Variants in JAKMIP3 observed in about 807,000 individuals in gnomAD.
JAKMIP3 encodes Janus kinase and microtubule interacting protein 3, also known as janus kinase and microtubule-interacting protein 3.
JAKMIP3 carries 58 observed loss-of-function variants against 118.5 expected under a neutral mutation model. That is an observed-to-expected ratio of 0.49 (90% CI 0.40 to 0.61). The LOEUF (loss-of-function observed/expected upper bound fraction) is 0.61, where lower values mean the gene tolerates loss of function less well. JAKMIP3 is among the 20% of genes least tolerant of loss of function. JAKMIP3 has a pLI of 0.00. For missense variants in JAKMIP3, 950 were observed against 1,109.0 expected (o/e 0.86, Z 2.04); for synonymous variants, 486 against 451.2 (o/e 1.08, Z -0.98).
chr10:132,059,653 G>A (rs767664058), intron 1 of JAKMIP3, among the ~76,000 whole-genome samples: 18 of 152,206 alleles, frequency 1.2e-4, no homozygotes, highest in Admixed American at 6.5e-5. Flanking sequence ...GGCCTTGGAG[G>A]ATCGCAGCAG....
chr10:132,059,688 A>G (rs1195331366), upstream of JAKMIP3, among the ~76,000 whole-genome samples: 1 of 152,182 alleles, frequency 6.6e-6, no homozygotes, highest in African/African-American at 2.4e-5. Flanking sequence ...GGTTGTGGCG[A>G]GGGCCCCACC....
intron 1 of JAKMIP3, among the ~76,000 whole-genome samples, chr10:132,074,471 G>A (rs1321096214): frequency 6.6e-6 from 1 of 152,008 alleles, no homozygotes; most frequent in African/African-American, 2.4e-5. Context: ...TATATTTATT[G>A]GCAGTTTGTC....
chr10:132,087,284 T>G (rs1166985064), intron 1 of JAKMIP3, among the ~76,000 whole-genome samples: 1 of 152,216 alleles, frequency 6.6e-6, no homozygotes, highest in Non-Finnish European at 1.5e-5. Context: ...GCCTCATAGC[T>G]CTTAAGATTC....
At chr10:132,148,978 A>G (rs1589952296) in intron 14 of JAKMIP3, among the ~76,000 whole-genome samples, 1 of 152,078 alleles carries the variant, frequency 6.6e-6, no homozygotes, top group Admixed American at 6.5e-5. Flanking sequence ...TGTGTGGACG[A>G]CCTCGGCCAC....
At chr10:132,069,578 C>T (rs2039489512) in intron 1 of JAKMIP3, among the ~76,000 whole-genome samples, 1 of 151,926 alleles carries the variant, frequency 6.6e-6, no homozygotes, top group African/African-American at 2.4e-5. Context: ...GTCTGGCATC[C>T]CCCCCTGCGT....
At chr10:132,064,444 C>T (rs887757718), upstream of JAKMIP3, among the ~76,000 whole-genome samples, 4 of 152,140 alleles carry the variant, frequency 2.6e-5, no homozygotes, top group East Asian at 1.9e-4. The surrounding 1 kb of genome is among the most constrained non-coding windows in gnomAD (Gnocchi z 4.4). Context: ...GACCCCGAGC[C>T]GCCGGCATGG....
intron 3 of JAKMIP3, among the ~76,000 whole-genome samples, chr10:132,120,359 C>T (rs752975767): frequency 6.6e-6 from 1 of 152,106 alleles, no homozygotes; most frequent in Non-Finnish European, 1.5e-5. Flanking sequence ...CGGTGTGACT[C>T]GCCCCTTCCC....
chr10:132,131,002 CG>C (rs770243608), intron 3 of JAKMIP3, among the ~76,000 whole-genome samples: 2 of 150,080 alleles, frequency 1.3e-5, no homozygotes, highest in Non-Finnish European at 3.0e-5. Context: ...GCAGGCAAGT[CG>C]GGGGCGGGCA....
At chr10:132,138,392 C>T (rs570833442) in intron 9 of JAKMIP3, among the ~76,000 whole-genome samples, 2 of 131,318 alleles carry the variant, frequency 1.5e-5, no homozygotes, top group Non-Finnish European at 3.1e-5. Context: ...GTGGAGAGTA[C>T]GCCGGGTGTG....
In JAKMIP3 at chr10:132,044,717, AG is replaced by A. The variant is rs2133777486; in HGVS notation, c.-138+7981del. On this transcript the variant is annotated intron_variant, in intron 1 of 23. Transcript: ENST00000657785. The surrounding 1 kb of genome is among the most constrained non-coding windows in gnomAD (Gnocchi z 5.3). ...ACAAGTCACCATCTGAACCATTTTT[AG>A]GTGTGCGGCTCAGAGTAGGGACAAT... 6.6e-6 allele frequency among the ~76,000 whole-genome samples: 1 copy of A among 152,214 alleles called. No individual in the cohort carries two copies. The highest frequency in any genetic ancestry group is 1.9e-4 in the East Asian group (1 of 5,178).
intron 1 of JAKMIP3, among the ~76,000 whole-genome samples, chr10:132,047,314 A>G (rs1047910730): frequency 1.3e-5 from 2 of 152,210 alleles, no homozygotes; most frequent in Admixed American, 1.3e-4. Flanking sequence ...CATGGGTTAT[A>G]GTGTCTGGTG....
At chr10:132,152,051 G>A (rs1258146261) in intron 16 of JAKMIP3, among the ~76,000 whole-genome samples, 1 of 152,046 alleles carries the variant, frequency 6.6e-6, no homozygotes, top group Non-Finnish European at 1.5e-5. Flanking sequence ...GAGGTCTGTG[G>A]CCTGCCCAGC....
In JAKMIP3 at chr10:132,099,844, A is replaced by T. The variant is rs540527482; in HGVS notation, c.-137-4828A>T. On this transcript the variant is annotated intron_variant, in intron 1 of 23. Transcript: ENST00000684848. Reference sequence around the variant, plus strand: ...TTCCTCGGCACCCCAAACCCCTCGCACTGCCACGCTGTCCGTCTGCAGCTC... The same window carrying T: ...TTCCTCGGCACCCCAAACCCCTCGCTCTGCCACGCTGTCCGTCTGCAGCTC... Among the ~76,000 whole-genome samples, 216 of 151,658 alleles carry T rather than the reference A, an allele frequency of 1.4e-3. 1 individual carries two copies. Among genetic ancestry groups the T allele is most frequent in the African/African-American group, 4.9e-3 (202 of 41,356 alleles).
intron 3 of JAKMIP3, among the ~76,000 whole-genome samples, chr10:132,124,522 C>T (rs77380500): frequency 0.038 from 5,317 of 141,142 alleles, 241 homozygotes; most frequent in East Asian, 0.12. Context: ...CATCCCACCC[C>T]GGCACATCAC....
intron 19 of JAKMIP3, among the ~76,000 whole-genome samples, chr10:132,155,253 G>C (rs1404486994): frequency 1.3e-5 from 2 of 151,918 alleles, no homozygotes; most frequent in African/African-American, 4.8e-5. Context: ...GATGAGGATG[G>C]TAATGATAGT....
intron 1 of JAKMIP3, among the ~76,000 whole-genome samples, chr10:132,091,980 C>A (rs1240279501): frequency 6.7e-5 from 10 of 148,928 alleles, no homozygotes; most frequent in Non-Finnish European, 9.0e-5. Flanking sequence ...GTGACAAAAT[C>A]TCTCAGCATT....
intron 8 of JAKMIP3, among the ~76,000 whole-genome samples, chr10:132,137,533 G>A (rs1328579360): frequency 6.6e-6 from 1 of 152,298 alleles, no homozygotes; most frequent in East Asian, 1.9e-4. Flanking sequence ...GCACCAGCTT[G>A]GGACGATCAT....
At chr10:132,082,123 A>G (rs1589769298) in intron 1 of JAKMIP3, among the ~76,000 whole-genome samples, 1 of 138,370 alleles carries the variant, frequency 7.2e-6, no homozygotes, top group East Asian at 2.1e-4. Flanking sequence ...ACCAAACCCA[A>G]CCTGGTAATT....
chr10:132,077,129 G>A (rs531975603), intron 1 of JAKMIP3, among the ~76,000 whole-genome samples: 5 of 152,326 alleles, frequency 3.3e-5, no homozygotes, highest in South Asian at 2.1e-4. Flanking sequence ...CTGCCCACAC[G>A]GCTTCCTCTC....
Sources: gnomAD v4.1 joint callset for allele counts (sites outside exome capture counted in the v4.1 genomes callset) on GRCh38, gnomAD v4.1.1 for gene constraint, Gnocchi (gnomAD v3.1) non-coding constraint, MANE v1.5 for transcripts, NCBI Gene and HGNC (gene_info 2026-07-23, HGNC 2026-07-21) for gene names.